ATRN: variants seen among roughly 807,000 people sequenced by gnomAD.
The protein encoded by ATRN is attractin-2.
ATRN carries 54 observed loss-of-function variants against 178.7 expected under a neutral mutation model. The ratio of observed to expected loss-of-function variants is 0.30; its 90% CI spans 0.24 to 0.38. The LOEUF is 0.38. ATRN is among the 10% of genes least tolerant of loss of function. The pLI is 1.00. For missense variants in ATRN, 1,443 were observed against 1,815.1 expected (o/e 0.79, Z 3.73); for synonymous variants, 636 against 663.0 (o/e 0.96, Z 0.63).
intron 1 of ATRN, among the ~76,000 whole-genome samples, chr20:3,487,808 T>C (rs564355683): frequency 3.3e-5 from 5 of 152,324 alleles, no homozygotes; most frequent in Admixed American, 6.5e-5. Context: ...GGACTCGTTA[T>C]GAAGTCATTG....
chr20:3,490,647 T>G, intron 1 of ATRN: 1 of 894,516 alleles, frequency 1.1e-6, no homozygotes, highest in Non-Finnish European at 1.9e-6. Flanking sequence ...CCAAGTTTTG[T>G]GCCTCTTCAC....
At chr20:3,589,256 C>T (rs1207399571) in intron 18 of ATRN, among the ~76,000 whole-genome samples, 1 of 152,040 alleles carries the variant, frequency 6.6e-6, no homozygotes, top group Admixed American at 6.5e-5. Flanking sequence ...CCTTGGCCTC[C>T]CAAAGTGCTG....
chr20:3,643,226 A>C (rs1056282970), intron 27 of ATRN, among the ~76,000 whole-genome samples: 4 of 152,212 alleles, frequency 2.6e-5, no homozygotes, highest in Non-Finnish European at 4.4e-5. Flanking sequence ...GAGATAGCTG[A>C]TAATTCCCCA....
chr20:3,644,449 G>A (rs235559), intron 28 of ATRN, among the ~76,000 whole-genome samples, 181 bp downstream of exon 28: 2,415 of 152,290 alleles, frequency 0.016, 72 homozygotes, highest in African/African-American at 0.056. Context: ...CTGTTTTCCC[G>A]AGGTCATCGT....
chr20:3,634,367 G>T lies in ATRN; in HGVS notation c.3920G>T (p.Cys1307Phe), dbSNP rs1221795283. Residue 1307 changes from cysteine to phenylalanine, a missense_variant, in exon 26 of 29, where the codon TGT becomes TTT. Around this residue, in one of 4 missense-constraint regions of ATRN, gnomAD observed 289 missense variants for 440.8 expected, o/e 0.66. Transcript: ENST00000262919. Reference sequence around the variant, plus strand: ...GTGGTTTGGAAGATCAAACAAAGTTGTTGGGCCTCCAGACGTAGAGAGGTA... The same window carrying T: ...GTGGTTTGGAAGATCAAACAAAGTTTTTGGGCCTCCAGACGTAGAGAGGTA... Reference protein sequence around the residue: ...AAVVWKIKQSCWASRRREQLL... With the variant: ...AAVVWKIKQSFWASRRREQLL... 24 of 1,612,778 alleles carry T rather than the reference G, an allele frequency of 1.5e-5. No individual in the cohort carries two copies. Among genetic ancestry groups the T allele is most frequent in the Non-Finnish European group, 1.9e-5 (22 of 1,179,070 alleles).
chr20:3,524,424 A>G (rs1457542481), intron 1 of ATRN, among the ~76,000 whole-genome samples: 1 of 152,198 alleles, frequency 6.6e-6, no homozygotes, highest in Admixed American at 6.5e-5. Context: ...GCAAGTCTTT[A>G]GAGACCTACA....
chr20:3,494,973 C>G (rs1225785534), intron 1 of ATRN, among the ~76,000 whole-genome samples: 2 of 152,150 alleles, frequency 1.3e-5, no homozygotes, highest in East Asian at 3.9e-4. Flanking sequence ...TTTTAATTAT[C>G]CTTGTGGATG....
rs796838593 is a variant in ATRN at position 3,648,990 on chromosome 20, A to G, written c.*2143A>G. 6.6e-6 allele frequency: 1 copy of G among 152,200 alleles called. No homozygotes were observed. Among genetic ancestry groups the G allele is most frequent in the East Asian group, 1.9e-4 (1 of 5,198 alleles). 9.4% of individuals were successfully genotyped at this position (152,200 alleles called of 1,614,324 possible). A position where few individuals can be genotyped will look rare whatever the true frequency, so the allele number is the denominator to read the frequency against. On this transcript the variant is annotated 3_prime_UTR_variant, in exon 29 of 29. Coordinates refer to ENST00000262919, the MANE Select transcript of ATRN (RefSeq NM_139321.3). ...TGAAATATCATGCACCATGACCCAC[A>G]GCCATCTGGTTATGTCTTATTTTTT...
At chr20:3,510,249 A>C (rs1193119273) in intron 1 of ATRN, among the ~76,000 whole-genome samples, 4 of 152,214 alleles carry the variant, frequency 2.6e-5, no homozygotes, top group Admixed American at 1.3e-4. Context: ...TGATTGCCAC[A>C]CTTTAATCTA....
chr20:3,519,751 A>C (rs1383302225), intron 1 of ATRN, among the ~76,000 whole-genome samples: 1 of 152,218 alleles, frequency 6.6e-6, no homozygotes, highest in African/African-American at 2.4e-5. Context: ...AAGAAAAGAA[A>C]AGAAAAAGGA....
intron 1 of ATRN, among the ~76,000 whole-genome samples, chr20:3,500,555 A>G (rs1261046967): frequency 6.6e-6 from 1 of 151,628 alleles, no homozygotes; most frequent in Admixed American, 6.6e-5. Flanking sequence ...ATGAAATTGG[A>G]AATCATCATT....
chr20:3,585,430 A>G (rs752233814), intron 18 of ATRN, among the ~76,000 whole-genome samples: 6 of 152,228 alleles, frequency 3.9e-5, no homozygotes, highest in Non-Finnish European at 7.3e-5. Flanking sequence ...GTTATTGGAG[A>G]TAAAGAAGCC....
rs576224249 is a variant in ATRN at position 3,567,866 on chromosome 20, G to C, written c.1871+2434G>C. Among the ~76,000 whole-genome samples the C allele has an allele frequency of 1.1e-4, 17 of 152,310 alleles. No individual in the cohort carries two copies. In the South Asian group the frequency reaches 3.5e-3, roughly 32 times the overall value. On this transcript the variant is annotated intron_variant, in intron 11 of 28. Coordinates refer to ENST00000262919, the MANE Select transcript of ATRN (RefSeq NM_139321.3). ...ACTTTGCAGAGCCCCTGTGCAACCAGATGGATTCACAATTGCTGAGAACAC... is the reference window on the plus strand; with the variant it reads ...ACTTTGCAGAGCCCCTGTGCAACCACATGGATTCACAATTGCTGAGAACAC...
chr20:3,519,904 A>G (rs2146145501), intron 1 of ATRN, among the ~76,000 whole-genome samples: 1 of 152,352 alleles, frequency 6.6e-6, no homozygotes, highest in South Asian at 2.1e-4. Flanking sequence ...TACCATATCC[A>G]GCCAAGGTAT....
intron 22 of ATRN, among the ~76,000 whole-genome samples, chr20:3,600,073 T>C (rs570698061): frequency 1.3e-5 from 2 of 152,312 alleles, no homozygotes; most frequent in African/African-American, 2.4e-5. Context: ...GATAAAAATA[T>C]AACATTGATT....
At chr20:3,607,684 T>G (rs765989552) in intron 24 of ATRN, among the ~76,000 whole-genome samples, 28 of 152,230 alleles carry the variant, frequency 1.8e-4, no homozygotes, top group Non-Finnish European at 3.2e-4. Flanking sequence ...TGATAAACAT[T>G]TAGAGCATGC....
At chr20:3,471,663 C>T (rs775959641) in intron 1 of ATRN, 146 bp downstream of exon 1, 9 of 1,124,856 alleles carry the variant, frequency 8.0e-6, no homozygotes, top group Non-Finnish European at 1.0e-5. Flanking sequence ...CCATTTGCTT[C>T]CGGGGAGATC....
At chr20:3,627,205 G>T (rs1243364647) in intron 25 of ATRN, among the ~76,000 whole-genome samples, 5 of 152,186 alleles carry the variant, frequency 3.3e-5, no homozygotes, top group African/African-American at 4.8e-5. Flanking sequence ...CTGTAAATCT[G>T]TGGCTCTCCA....
intron 3 of ATRN, among the ~76,000 whole-genome samples, chr20:3,544,771 G>T (rs1159661537): frequency 6.6e-6 from 1 of 151,274 alleles, no homozygotes; most frequent in Non-Finnish European, 1.5e-5. Flanking sequence ...AAAGCAAGTT[G>T]GTATTATGGC....
Sources: allele counts gnomAD v4.1 joint callset (sites outside exome capture counted in the v4.1 genomes callset), GRCh38; gene constraint gnomAD v4.1.1; regional missense constraint gnomAD v4.1.1; transcripts MANE v1.5; gene names NCBI Gene and HGNC (gene_info 2026-07-23, HGNC 2026-07-21).